The following NCOA2 variants were observed in gnomAD, a reference collection of about 807,000 sequenced individuals.
The protein encoded by NCOA2 is class E basic helix-loop-helix protein 75.
Under a neutral mutation model 145.1 loss-of-function variants are expected in NCOA2, and 21 were observed. The observed-to-expected ratio is 0.14, with a 90% CI of 0.10 to 0.21. The LOEUF (loss-of-function observed/expected upper bound fraction) is 0.21, where lower values mean the gene tolerates loss of function less well. Ranked by LOEUF, NCOA2 falls within the 10% of genes least tolerant of loss-of-function variation. NCOA2 has a pLI of 1.00. For synonymous variants in NCOA2, 619 were observed against 637.5 expected (o/e 0.97, Z 0.44); for missense variants, 1,472 against 1,837.6 (o/e 0.80, Z 3.64).
chr8:70,125,285 TCTTG>T (rs1386318124), intron 19 of NCOA2, among the ~76,000 whole-genome samples: 2 of 152,080 alleles, frequency 1.3e-5, no homozygotes, highest in Non-Finnish European at 2.9e-5. Flanking sequence ...TGACATAGGG[TCTTG>T]CTTGCTCTGT....
rs779568773 is a variant in NCOA2 at position 70,156,505 on chromosome 8, G to A, written c.1860C>T (p.Ala620=). The A allele has an allele frequency of 1.8e-5, 29 of 1,613,684 alleles. No homozygotes were observed. Among genetic ancestry groups the A allele is most frequent in the Non-Finnish European group, 2.2e-5 (26 of 1,179,870 alleles). The change falls in exon 11 of 23, where the codon GCC becomes GCT. Residue 620 remains alanine, a synonymous_variant. Coordinates refer to ENST00000452400, the MANE Select transcript of NCOA2 (RefSeq NM_006540.4). ...GCCCGTCAGCTCTCTCACTGCTCAC[G>A]GCCGGGGGCAGGTTGGGGTCATTTG... is the stretch of plus-strand genomic sequence containing the variant. ...KETNDPNLPP[A]VSSERADGQS...
intron 2 of NCOA2, among the ~76,000 whole-genome samples, chr8:70,267,261 G>A (rs1426037365): frequency 2.0e-5 from 3 of 152,074 alleles, no homozygotes; most frequent in African/African-American, 7.2e-5. Context: ...AGAAAAAGAC[G>A]TATTTTATTG....
At chr8:70,292,501 T>C (rs1380102195) in intron 2 of NCOA2, among the ~76,000 whole-genome samples, 1 of 143,816 alleles carries the variant, frequency 7.0e-6, no homozygotes, top group Admixed American at 7.1e-5. Flanking sequence ...CAGTGAGCTG[T>C]GATCTTGCCA....
intron 2 of NCOA2, among the ~76,000 whole-genome samples, chr8:70,278,067 A>G (rs1825601613): frequency 6.6e-6 from 1 of 151,858 alleles, no homozygotes; most frequent in Non-Finnish European, 1.5e-5. Context: ...ATTTTCTCCC[A>G]CTCTCCAATC....
At chr8:70,433,000 C>T in the NCOA2 span, among the ~76,000 whole-genome samples, 1 of 152,068 alleles carries the variant, frequency 6.6e-6, no homozygotes, top group Non-Finnish European at 1.5e-5. Context: ...ATGTCACAAA[C>T]CAGTTTTAGC....
At chr8:70,254,801 A>G (rs1456157437) in intron 2 of NCOA2, among the ~76,000 whole-genome samples, 1 of 152,226 alleles carries the variant, frequency 6.6e-6, no homozygotes, top group Admixed American at 6.5e-5. Flanking sequence ...TGATAGCTGT[A>G]TAACAGTGTG....
At chr8:70,265,871 C>T (rs895455199) in intron 2 of NCOA2, among the ~76,000 whole-genome samples, 4 of 152,084 alleles carry the variant, frequency 2.6e-5, no homozygotes, top group Admixed American at 2.6e-4. Context: ...GTCGGCTGGG[C>T]GTGGTGGCTC....
the NCOA2 span, among the ~76,000 whole-genome samples, chr8:70,438,438 T>G: frequency 0.028 from 4,254 of 152,256 alleles, 192 homozygotes; most frequent in African/African-American, 0.096. Context: ...GGCTTTATAC[T>G]AAAATAACCC....
chr8:70,332,028 T>C (rs75603603), intron 1 of NCOA2, among the ~76,000 whole-genome samples: 4,922 of 152,244 alleles, frequency 0.032, 260 homozygotes, highest in African/African-American at 0.11. Context: ...ACAATACTTA[T>C]GAAAAGCAGT....
At chr8:70,269,876 AAC>A (rs1824906466) in intron 2 of NCOA2, among the ~76,000 whole-genome samples, 2 of 152,246 alleles carry the variant, frequency 1.3e-5, no homozygotes, top group African/African-American at 4.8e-5. Flanking sequence ...AAATACATAT[AAC>A]ACACATTTAC....
intron 15 of NCOA2, 135 bp from the exon 16 acceptor site, chr8:70,132,137 G>A: frequency 1.2e-6 from 1 of 833,728 alleles, no homozygotes; most frequent in Non-Finnish European, 1.8e-6. Flanking sequence ...ACTCAACACA[G>A]AACAAAAGGA....
intron 1 of NCOA2, among the ~76,000 whole-genome samples, chr8:70,314,700 T>C (rs988728796): frequency 4.6e-5 from 7 of 152,224 alleles, no homozygotes; most frequent in Non-Finnish European, 7.3e-5. Context: ...CATTCCAAAA[T>C]TGTTTTTCAG....
At chr8:70,347,567 G>C (rs1808799056) in intron 1 of NCOA2, among the ~76,000 whole-genome samples, 1 of 151,988 alleles carries the variant, frequency 6.6e-6, no homozygotes, top group Non-Finnish European at 1.5e-5. Context: ...GAGGTAAGAG[G>C]ATCACTTGAG....
At chr8:70,446,633 CCCCCAGAGAGT>C in the NCOA2 span, among the ~76,000 whole-genome samples, 2 of 152,110 alleles carry the variant, frequency 1.3e-5, no homozygotes, top group Non-Finnish European at 2.9e-5. Flanking sequence ...CCCTGCCTTT[CCCCCAGAGAGT>C]CCCCAGGAAG....
At chr8:70,296,883 G>A (rs558731260) in intron 1 of NCOA2, 83 bp from the exon 2 acceptor site, 33 of 152,248 alleles carry the variant, frequency 2.2e-4, no homozygotes, top group African/African-American at 7.5e-4. Flanking sequence ...TTTTATAACC[G>A]ATTTTCAAAG....
chr8:70,295,437 G>A (rs1401688430), intron 2 of NCOA2, among the ~76,000 whole-genome samples: 1 of 152,148 alleles, frequency 6.6e-6, no homozygotes, highest in Non-Finnish European at 1.5e-5. Context: ...ACGAGAAGCT[G>A]CCACACTTCC....
At chr8:70,197,599 T>G (rs537069255) in intron 4 of NCOA2, among the ~76,000 whole-genome samples, 1 of 152,370 alleles carries the variant, frequency 6.6e-6, no homozygotes, top group Non-Finnish European at 1.5e-5. Context: ...ATCTGGCCAA[T>G]GTGTCCTGAA....
At chr8:70,245,651 G>A (rs1158078688) in intron 2 of NCOA2, among the ~76,000 whole-genome samples, 1 of 151,610 alleles carries the variant, frequency 6.6e-6, no homozygotes, top group African/African-American at 2.4e-5. Flanking sequence ...ATTTAGTCTT[G>A]GAATGTTCAT....
intron 4 of NCOA2, among the ~76,000 whole-genome samples, chr8:70,203,532 C>T (rs1050908806): frequency 6.6e-6 from 1 of 151,602 alleles, no homozygotes; most frequent in Non-Finnish European, 1.5e-5. Flanking sequence ...ATCACTTGAA[C>T]TCAGAAGTTT....
Sources: allele counts gnomAD v4.1 joint callset (sites outside exome capture counted in the v4.1 genomes callset), GRCh38; gene constraint gnomAD v4.1.1; transcripts MANE v1.5; gene names NCBI Gene and HGNC (gene_info 2026-07-23, HGNC 2026-07-21).